The following RELN variants were observed in gnomAD, a reference collection of about 807,000 sequenced individuals.
RELN encodes the protein reelin.
Under a neutral mutation model 427.6 loss-of-function variants are expected in RELN, and 108 were observed. That is an observed-to-expected ratio of 0.25 (90% CI 0.22 to 0.30). The LOEUF (loss-of-function observed/expected upper bound fraction) is 0.30, where lower values mean the gene tolerates loss of function less well. Ranked by LOEUF, RELN falls within the 10% of genes least tolerant of loss-of-function variation. The probability of loss-of-function intolerance (pLI) is 1.00; values close to 1 mark genes in which losing one functional copy is unlikely to be tolerated. For synonymous variants in RELN, 1,524 were observed against 1,513.4 expected (o/e 1.01, Z -0.16); for missense variants, 3,715 against 4,302.8 (o/e 0.86, Z 3.82).
chr7:103,827,920 G>A (rs1433188798), intron 3 of RELN, among the ~76,000 whole-genome samples: 1 of 151,984 alleles, frequency 6.6e-6, no homozygotes, highest in Non-Finnish European at 1.5e-5. Context: ...GACTTAAATG[G>A]GAGGTAATTT....
At chr7:103,500,146 C>T (rs1408794293) in intron 53 of RELN, among the ~76,000 whole-genome samples, 2 of 152,102 alleles carry the variant, frequency 1.3e-5, no homozygotes, top group Non-Finnish European at 2.9e-5. Context: ...TGTTTATTCA[C>T]AGAAATAGAG....
rs1273299291 is a variant in RELN, at chr7:103,953,991, T to G, written c.226+35140A>C. Among the ~76,000 whole-genome samples, 1 of 152,040 alleles carries G rather than the reference T, an allele frequency of 6.6e-6. No homozygotes were observed. Among genetic ancestry groups the G allele is most frequent in the Admixed American group, 6.6e-5 (1 of 15,252 alleles). On this transcript the variant is annotated intron_variant, in intron 1 of 64. Coordinates refer to ENST00000428762, the MANE Select transcript of RELN (RefSeq NM_005045.4). This position sits in a 1 kb window ranked among gnomAD's most constrained non-coding sequence, Gnocchi z 4.3. ...CAGGCGGGGCATAGTGGCTCACGCC[T>G]GTAATCCTAACACTTTGGGAGGCAG...
At chr7:103,512,606 C>A (rs920959506) in intron 50 of RELN, among the ~76,000 whole-genome samples, 3 of 152,026 alleles carry the variant, frequency 2.0e-5, no homozygotes, top group Admixed American at 2.0e-4. Context: ...GTGTGTTGAT[C>A]CTCTCTCTCT....
chr7:103,815,639 G>T (rs920551851), intron 3 of RELN, among the ~76,000 whole-genome samples: 3 of 152,184 alleles, frequency 2.0e-5, no homozygotes, highest in Admixed American at 1.3e-4. Context: ...AGTAATTCCT[G>T]AGATCTGGCA....
At chr7:103,772,647 C>G (rs919091946) in intron 4 of RELN, among the ~76,000 whole-genome samples, 1 of 151,962 alleles carries the variant, frequency 6.6e-6, no homozygotes, top group Admixed American at 6.5e-5. Context: ...GTCTGACAGC[C>G]CGAGTTAGAC....
intron 20 of RELN, among the ~76,000 whole-genome samples, chr7:103,618,827 C>T (rs917888822): frequency 2.6e-5 from 4 of 152,174 alleles, no homozygotes; most frequent in Non-Finnish European, 2.9e-5. Context: ...TAAGTATTTA[C>T]ACTGGCAGGG....
rs1319281676 is a variant in RELN at position 103,611,817 on chromosome 7, A to G, written c.2703-14T>C. ...TCTCCTGTAAAACTGAAAGAGACAG[A>G]GATGGAAATCAGAAAATTCTAAACA... is the stretch of plus-strand genomic sequence containing the variant. On this transcript the variant is annotated splice_polypyrimidine_tract_variant and intron_variant, in intron 20 of 64. Coordinates refer to ENST00000428762, the MANE Select transcript of RELN (RefSeq NM_005045.4). 6.2e-7 allele frequency: 1 copy of G among 1,607,792 alleles called. No individual in the cohort carries two copies. The highest frequency in any genetic ancestry group is 1.7e-5 in the Admixed American group (1 of 60,002).
intron 28 of RELN, among the ~76,000 whole-genome samples, chr7:103,582,510 T>G (rs1174900317): frequency 6.6e-6 from 1 of 152,218 alleles, no homozygotes; most frequent in Non-Finnish European, 1.5e-5. Context: ...TTGACAAACT[T>G]TCTTGAGATA....
rs1217938831 is a variant in RELN, at chr7:103,872,658, GAACTAGTTT to G, written c.338-38995_338-38987del. ...CGCCACACTGACTTCCACAATGGTTGAACTAGTTTACAGTCCCACCAACAGTGTAAAAGT... is the reference window on the plus strand; with the variant it reads ...CGCCACACTGACTTCCACAATGGTTGACAGTCCCACCAACAGTGTAAAAGT... On this transcript the variant is annotated intron_variant, in intron 2 of 64. Transcript: ENST00000428762. 4.2e-5 allele frequency among the ~76,000 whole-genome samples: 6 copies of G among 143,094 alleles called. No homozygotes were observed. In the Admixed American group the frequency reaches 4.2e-4, roughly 10 times the overall value. 93.9% of individuals were successfully genotyped at this position (143,094 alleles called of 152,430 possible). A position where few individuals can be genotyped will look rare whatever the true frequency, so the allele number is the denominator to read the frequency against.
rs892231744 is a variant in RELN at position 103,640,832 on chromosome 7, A to G, written c.2003-223T>C. 6.6e-6 allele frequency among the ~76,000 whole-genome samples: 1 copy of G among 152,208 alleles called. No individual in the cohort carries two copies. The highest frequency in any genetic ancestry group is 2.4e-5 in the African/African-American group (1 of 41,470). Reference sequence around the variant, plus strand: ...TCCTTTTAAGATTTTAACATTTCATATCAAAGAAGATAGGAGCTTATGATT... The same window carrying G: ...TCCTTTTAAGATTTTAACATTTCATGTCAAAGAAGATAGGAGCTTATGATT... On this transcript the variant is annotated intron_variant, in intron 16 of 64. Coordinates refer to ENST00000428762, the MANE Select transcript of RELN (RefSeq NM_005045.4). This position sits in a 1 kb window ranked among gnomAD's most constrained non-coding sequence, Gnocchi z 4.1.
intron 40 of RELN, 65 bp from the exon 41 acceptor site, chr7:103,551,361 A>G: frequency 1.8e-6 from 2 of 1,121,980 alleles, no homozygotes; most frequent in Non-Finnish European, 2.6e-6. Context: ...ATGATTCACC[A>G]CTTCATTATT....
At chr7:103,966,187 A>G (rs1392734632) in intron 1 of RELN, among the ~76,000 whole-genome samples, 1 of 152,250 alleles carries the variant, frequency 6.6e-6, no homozygotes, top group Non-Finnish European at 1.5e-5. Context: ...TACATTTAAG[A>G]AAGATTAATA....
At chr7:103,867,016 T>A (rs1322668912) in intron 2 of RELN, among the ~76,000 whole-genome samples, 1 of 152,140 alleles carries the variant, frequency 6.6e-6, no homozygotes, top group East Asian at 1.9e-4. Flanking sequence ...AATGTAGCTG[T>A]ACTGTTTAAA....
intron 16 of RELN, among the ~76,000 whole-genome samples, chr7:103,647,789 C>T (rs914129643): frequency 2.6e-5 from 4 of 152,008 alleles, no homozygotes; most frequent in African/African-American, 9.7e-5. Context: ...ATCACATTAC[C>T]TCACTTCAAA....
chr7:103,503,269 T>C, intron 51 of RELN, 39 bp from the exon 52 acceptor site: 1 of 1,578,228 alleles, frequency 6.3e-7, no homozygotes, highest in Non-Finnish European at 8.7e-7. Context: ...ATTAAAACTA[T>C]ATGATATGAT....
At chr7:103,595,707 T>G (rs1365322686) in intron 25 of RELN, among the ~76,000 whole-genome samples, 2 of 152,046 alleles carry the variant, frequency 1.3e-5, no homozygotes, top group Non-Finnish European at 2.9e-5. Flanking sequence ...AAATTATTTT[T>G]TTGTTAAAAT....
At chr7:103,635,650 G>T in intron 18 of RELN, 64 bp from the exon 19 acceptor site, 1 of 1,424,586 alleles carries the variant, frequency 7.0e-7, no homozygotes, top group East Asian at 2.3e-5. Flanking sequence ...GTTCATTTTG[G>T]TCTTTAAAGA....
At chr7:103,589,931 C>A in intron 27 of RELN, 103 bp from the exon 28 acceptor site, 1 of 738,412 alleles carries the variant, frequency 1.4e-6, no homozygotes, top group African/African-American at 1.7e-5. Context: ...TGGGTCTGCA[C>A]TGAATTTACA....
chr7:103,872,035 TCTTTTTTC>T (rs1794351562), intron 2 of RELN, among the ~76,000 whole-genome samples: 2 of 107,122 alleles, frequency 1.9e-5, no homozygotes, highest in African/African-American at 3.0e-5. Flanking sequence ...TATATATTTT[TCTTTTTTC>T]TTTTTTTTCT....
Sources: gnomAD v4.1 joint callset for allele counts (sites outside exome capture counted in the v4.1 genomes callset) on GRCh38, gnomAD v4.1.1 for gene constraint, Gnocchi (gnomAD v3.1) non-coding constraint, MANE v1.5 for transcripts, NCBI Gene and HGNC (gene_info 2026-07-23, HGNC 2026-07-21) for gene names.